The following CA13 variants were observed in gnomAD, a reference collection of about 807,000 sequenced individuals.
CA13 encodes carbonic anhydrase 13, also known as CA-XIII.
CA13 carries 21 observed loss-of-function variants against 31.5 expected under a neutral mutation model. The observed-to-expected ratio is 0.67, with a 90% confidence interval of 0.47 to 0.96. The LOEUF (loss-of-function observed/expected upper bound fraction) is 0.96, where lower values mean the gene tolerates loss of function less well. Ranked by LOEUF, CA13 falls within the 40% of genes least tolerant of loss-of-function variation. CA13 has a pLI of 0.00. For missense variants in CA13, 315 were observed against 318.9 expected (o/e 0.99, Z 0.09); for synonymous variants, 117 against 111.4 (o/e 1.05, Z -0.32).
chr8:85,279,088 T>C (rs1435182974), intron 6 of CA13, among the ~76,000 whole-genome samples: 2 of 152,202 alleles, frequency 1.3e-5, no homozygotes, highest in Admixed American at 1.3e-4. Context: ...TACAGAACCA[T>C]AGAAGAGTAT....
rs575874659 is a variant in CA13, at chr8:85,281,687, AT to A, written c.*350del. 805 of 177,032 alleles carry A rather than the reference AT, an allele frequency of 4.5e-3. No individual in the cohort carries two copies. Among genetic ancestry groups the A allele is most frequent in the South Asian group, 9.0e-3 (51 of 5,680 alleles). 11.0% of individuals were successfully genotyped at this position (177,032 alleles called of 1,614,324 possible). On this transcript the variant is annotated 3_prime_UTR_variant, in exon 7 of 7. Transcript: ENST00000321764. The stretch of plus-strand genomic sequence containing the variant: ...ACAAGCATGCCTGGCTAATTTTTAA[AT>A]TTTTTTTTTTTAAGAAATAGGGTCT...
At chr8:85,266,519 C>T (rs920172060) in intron 3 of CA13, 89 bp from the exon 4 acceptor site, 14 of 920,466 alleles carry the variant, frequency 1.5e-5, no homozygotes, top group Non-Finnish European at 2.4e-5. Context: ...GTGTACAGCA[C>T]CAGAAAATTT....
chr8:85,275,249 TGG>T (rs1023803016), intron 6 of CA13, among the ~76,000 whole-genome samples: 4 of 152,196 alleles, frequency 2.6e-5, no homozygotes, highest in African/African-American at 9.7e-5. Flanking sequence ...TGTTAGGGTT[TGG>T]TGACAGGGGC....
chr8:85,281,245 A>T lies in CA13; in HGVS notation c.685A>T (p.Ser229Cys), dbSNP rs559334557. The T allele has an allele frequency of 6.2e-7, 1 of 1,613,436 alleles. No homozygotes were observed. Among genetic ancestry groups the T allele is most frequent in the African/African-American group, 1.3e-5 (1 of 75,030 alleles). The change falls in exon 7 of 7, where the codon AGT becomes TGT. Residue 229 changes from serine (S) to cysteine (C), a missense_variant. Ser to Cys is a moderately radical substitution (Grantham distance 112). Transcript: ENST00000321764. The stretch of plus-strand genomic sequence containing the variant: ...TCTTCTACAGCTGGCCAAATTTCGC[A>T]GTCTCCTGTGCACAGCGGAGGGTGA... The part of the protein sequence containing the change: ...ISSQQLAKFR[S>C]LLCTAEGEAA...
chr8:85,266,678 T>G lies in CA13; in HGVS notation c.425T>G (p.Leu142Arg), dbSNP rs1807462003. 6.2e-6 allele frequency: 10 copies of G among 1,613,770 alleles called. No individual in the cohort carries two copies. The highest frequency in any genetic ancestry group is 1.3e-5 in the African/African-American group (1 of 74,936). Residue 142 changes from leucine to arginine, a missense_variant, in exon 4 of 7, where the codon CTG (leucine) becomes CGG (arginine). Physicochemically the swap from Leu to Arg is moderately radical, Grantham distance 102. Coordinates refer to ENST00000321764, the MANE Select transcript of CA13 (RefSeq NM_198584.3). The stretch of plus-strand genomic sequence containing the variant: ...GAGGCAGCTCATGAACCAGATGGAC[T>G]GGCTGTCTTGGGAGTGTTTTTACAG... ...FVEAAHEPDG[L>R]AVLGVFLQIG...
rs1012921469 is a variant in CA13 at position 85,283,311 on chromosome 8, G to A, written c.*1962G>A. The A allele has an allele frequency of 5.3e-5, 8 of 152,230 alleles. No homozygotes were observed. Among genetic ancestry groups the A allele is most frequent in the African/African-American group, 1.9e-4 (8 of 41,464 alleles). 9.4% of individuals were successfully genotyped at this position (152,230 alleles called of 1,614,324 possible). On this transcript the variant is annotated 3_prime_UTR_variant, in exon 7 of 7. Coordinates refer to ENST00000321764, the MANE Select transcript of CA13 (RefSeq NM_198584.3). ...AAATTGTGTAACAGTGGTGGATACT[G>A]TTGCATAAGATGAGCTCCTGAAGAG...
At chr8:85,250,318 C>A (rs1346778514) in intron 1 of CA13, among the ~76,000 whole-genome samples, 1 of 152,198 alleles carries the variant, frequency 6.6e-6, no homozygotes, top group Admixed American at 6.5e-5. Flanking sequence ...CCTTTCTTTG[C>A]TTCATGGCTT....
In CA13 at chr8:85,281,247, T is replaced by C. The variant is rs1352556332; in HGVS notation, c.687T>C (p.Ser229=). Residue 229 remains serine (S), a synonymous_variant, in exon 7 of 7, where the codon AGT becomes AGC. Coordinates refer to ENST00000321764, the MANE Select transcript of CA13 (RefSeq NM_198584.3). ...ISSQQLAKFR[S]LLCTAEGEAA... is the part of the protein sequence containing the mutation. ...TTCTACAGCTGGCCAAATTTCGCAG[T>C]CTCCTGTGCACAGCGGAGGGTGAAG... 1.2e-6 allele frequency: 2 copies of C among 1,613,038 alleles called. No individual in the cohort carries two copies. The highest frequency in any genetic ancestry group is 1.3e-5 in the African/African-American group (1 of 74,902).
chr8:85,263,104 C>CT (rs1807406984), intron 3 of CA13, among the ~76,000 whole-genome samples: 2 of 152,068 alleles, frequency 1.3e-5, no homozygotes, highest in African/African-American at 4.8e-5. Context: ...CTAGAGAGAC[C>CT]TTTCCAGGAA....
intron 6 of CA13, among the ~76,000 whole-genome samples, chr8:85,269,135 T>C (rs987967329): frequency 6.6e-6 from 1 of 152,176 alleles, no homozygotes; most frequent in African/African-American, 2.4e-5. Flanking sequence ...TAAGAAGTTG[T>C]TGTTTTGTAC....
At chr8:85,259,333 A>G in intron 2 of CA13, 88 bp from the exon 3 acceptor site, 2 of 1,002,094 alleles carry the variant, frequency 2.0e-6, no homozygotes, top group East Asian at 2.4e-5. Flanking sequence ...ACATGGATGT[A>G]TGGAGTAATT....
chr8:85,277,434 C>A (rs1807629123), intron 6 of CA13, among the ~76,000 whole-genome samples: 1 of 152,148 alleles, frequency 6.6e-6, no homozygotes, highest in South Asian at 2.1e-4. Context: ...ACTCTGAGCA[C>A]ATCCTAGCAT....
At position 85,245,665 on chromosome 8, in the gene CA13, G is replaced by A. The variant is rs1036372345; in HGVS notation, c.-164G>A. The A allele has an allele frequency of 5.4e-6, 4 of 735,774 alleles. No homozygotes were observed. The highest frequency in any genetic ancestry group is 9.2e-6 in the Non-Finnish European group (4 of 434,566). The allele number at this position is 735,774 out of a possible 1,614,324, so 45.6% of individuals were successfully genotyped here. A position where few individuals can be genotyped will look rare whatever the true frequency, so the allele number is the denominator to read the frequency against. On this transcript the variant is annotated 5_prime_UTR_variant, in exon 1 of 7. Transcript: ENST00000321764. ...CTTCCCCGCACGCCTCTGCCGTCTG[G>A]AGGACGCAGGCGGGAGCGCCCCGGA...
rs561253921 is a variant in CA13, at chr8:85,245,706, C to G, written c.-123C>G. ...GCGCCCCGGACCGGGTTCACGGTCT[C>G]GCACTCCTGCCGCCGGCGCCCCGCG... On this transcript the variant is annotated 5_prime_UTR_variant, in exon 1 of 7. Coordinates refer to ENST00000321764, the MANE Select transcript of CA13 (RefSeq NM_198584.3). The G allele has an allele frequency of 4.6e-5, 52 of 1,128,926 alleles. No homozygotes were observed. The highest frequency in any genetic ancestry group is 6.9e-5 in the Non-Finnish European group (52 of 756,188). The allele number at this position is 1,128,926 out of a possible 1,614,324, so 69.9% of individuals were successfully genotyped here.
intron 6 of CA13, among the ~76,000 whole-genome samples, chr8:85,271,836 A>G (rs548483504): frequency 6.6e-6 from 1 of 152,274 alleles, no homozygotes; most frequent in African/African-American, 2.4e-5. Context: ...TGGGAGGCCA[A>G]GGCGGATGGA....
At position 85,283,898 on chromosome 8, in the gene CA13, G is replaced by A. The variant is rs991645036; in HGVS notation, c.*2549G>A. The A allele has an allele frequency of 2.6e-5, 4 of 152,162 alleles. No homozygotes were observed. The highest frequency in any genetic ancestry group is 9.7e-5 in the African/African-American group (4 of 41,442). The allele number at this position is 152,162 out of a possible 1,614,324, so 9.4% of individuals were successfully genotyped here. A position where few individuals can be genotyped will look rare whatever the true frequency, so the allele number is the denominator to read the frequency against. On this transcript the variant is annotated 3_prime_UTR_variant, in exon 7 of 7. Transcript: ENST00000321764. ...TTGATATATCTTCTAGAGGCAAAAG[G>A]TTTAAATGTGTTAAAATGGTTATAT... is the stretch of plus-strand genomic sequence containing the variant.
intron 2 of CA13, among the ~76,000 whole-genome samples, chr8:85,252,583 C>T (rs1369274883): frequency 6.6e-6 from 1 of 152,038 alleles, no homozygotes; most frequent in Non-Finnish European, 1.5e-5. Context: ...ATGTTTAATC[C>T]TTCTTCAGAC....
At chr8:85,256,163 C>T (rs979187728) in intron 2 of CA13, among the ~76,000 whole-genome samples, 1 of 152,154 alleles carries the variant, frequency 6.6e-6, no homozygotes, top group African/African-American at 2.4e-5. Flanking sequence ...TAATATTTGC[C>T]GTTTAACACT....
chr8:85,260,593 G>A (rs998710435), intron 3 of CA13, among the ~76,000 whole-genome samples: 6 of 152,156 alleles, frequency 3.9e-5, no homozygotes, highest in Admixed American at 3.9e-4. Context: ...TAAATCACTT[G>A]TGTTTGAGGC....
Sources: gnomAD v4.1 joint callset for allele counts (sites outside exome capture counted in the v4.1 genomes callset) on GRCh38, gnomAD v4.1.1 for gene constraint, MANE v1.5 for transcripts, NCBI Gene and HGNC (gene_info 2026-07-23, HGNC 2026-07-21) for gene names.